The following SELENON variants were observed in gnomAD, a reference collection of about 807,000 sequenced individuals.
SELENON encodes selenoprotein N, 1.
SELENON carries 44 observed loss-of-function variants against 59.5 expected under a neutral mutation model. The observed-to-expected ratio is 0.74, with a 90% CI of 0.58 to 0.95. The LOEUF (loss-of-function observed/expected upper bound fraction) is 0.95, where lower values mean the gene tolerates loss of function less well. Among genes scored for constraint, SELENON ranks in the 40% least tolerant of loss-of-function variants. The pLI, the probability that SELENON is intolerant of heterozygous loss-of-function variation, is 0.00. For missense variants in SELENON, 674 were observed against 721.4 expected, an observed-to-expected ratio of 0.93 and a Z score of 0.75; for synonymous variants, 320 against 305.6, an observed-to-expected ratio of 1.05 and a Z score of -0.49.
chr1:25,813,379 A>C (rs1302199194), intron 10 of SELENON, among the ~76,000 whole-genome samples: 1 of 152,194 alleles, frequency 6.6e-6, no homozygotes, highest in Non-Finnish European at 1.5e-5. Context: ...CTGCCCTCAA[A>C]GGGGGAGACA....
intron 4 of SELENON, among the ~76,000 whole-genome samples, chr1:25,806,283 G>A (rs1331791235): frequency 6.6e-6 from 1 of 152,260 alleles, no homozygotes; most frequent in Non-Finnish European, 1.5e-5. Context: ...TTTGTTGCCT[G>A]CCTTTGGCCT....
intron 9 of SELENON, among the ~76,000 whole-genome samples, 199 bp from the exon 9 acceptor site, chr1:25,812,488 A>T (rs943374205): frequency 6.2e-4 from 86 of 139,182 alleles, no homozygotes; most frequent in African/African-American, 2.2e-3. Context: ...CACATATACA[A>T]ACATACACAA....
intron 6 of SELENON, 47 bp downstream of exon 5, chr1:25,809,197 G>A (rs191243575): frequency 7.3e-5 from 117 of 1,612,268 alleles, no homozygotes; most frequent in African/African-American, 4.8e-4. Flanking sequence ...GAGGCATGAC[G>A]GTACAGCGCC....
chr1:25,800,965 T>C, intron 1 of SELENON, 78 bp from the exon 2 acceptor site: 1 of 1,132,588 alleles, frequency 8.8e-7, no homozygotes, highest in Non-Finnish European at 1.3e-6. Context: ...AGGGGCTCCA[T>C]GCGGAAGCAA....
Position 25,808,039 on chromosome 1 carries a change from A to G in SELENON, c.538-541A>G, listed in dbSNP as rs2047922566. ...GATTTCACCTCAAACATGATTGGCC[A>G]CCACCCTCATCGGACTTAGCTCCAA... On this transcript the variant is annotated intron_variant, in intron 4 of 12. Transcript: ENST00000361547. Among the ~76,000 whole-genome samples, 3 of 152,178 alleles carry G rather than the reference A, an allele frequency of 2.0e-5. No homozygotes were observed. The South Asian group carries it at 6.2e-4, about 32-fold the overall frequency.
intron 3 of SELENON, among the ~76,000 whole-genome samples, chr1:25,803,804 TCTC>T (rs1164693451): frequency 3.3e-5 from 5 of 151,884 alleles, no homozygotes; most frequent in Admixed American, 1.3e-4. Context: ...TTCAAGCAAT[TCTC>T]CTGTCTCAGC....
rs368377980 is a variant in SELENON, at chr1:25,813,920, C to T, written c.1427C>T (p.Ser476Leu). 41 of 1,613,994 alleles carry T rather than the reference C, an allele frequency of 2.5e-5. No homozygotes were observed. The highest frequency in any genetic ancestry group is 1.6e-4 in the Middle Eastern group (1 of 6,084). ...CTCCGGGAGACTGTCCTGGAAAGTT[C>T]GCCCATCCTCACCCTGCTCAACGAG... is the stretch of plus-strand genomic sequence containing the variant. Residue 476 changes from serine to leucine, a missense_variant, in exon 11 of 13, where the codon TCG (serine) becomes TTG (leucine). Ser to Leu is a moderately radical substitution (Grantham distance 145). Coordinates refer to ENST00000361547, the MANE Select transcript of SELENON (RefSeq NM_020451.3).
chr1:25,815,083 C>T (rs555652306), intron 12 of SELENON, among the ~76,000 whole-genome samples: 71 of 152,156 alleles, frequency 4.7e-4, no homozygotes, highest in Non-Finnish European at 8.7e-4. Flanking sequence ...ATTTGTTCAT[C>T]TACTGGGCAC....
chr1:25,807,354 C>T lies in SELENON; in HGVS notation c.538-1226C>T, dbSNP rs2047916426. On this transcript the variant is annotated intron_variant, in intron 4 of 12. Coordinates refer to ENST00000361547, the MANE Select transcript of SELENON (RefSeq NM_020451.3). This position sits in a 1 kb window ranked among gnomAD's most constrained non-coding sequence, Gnocchi z 4.5. ...TTTGTGGAATGAACAAATGAATAAA[C>T]GTGTTCTTCTCAGCCAAGGAGACAG... Among the ~76,000 whole-genome samples the T allele has an allele frequency of 2.0e-5, 3 of 152,208 alleles. No individual in the cohort carries two copies. The highest frequency in any genetic ancestry group is 6.5e-5 in the Admixed American group (1 of 15,286).
At position 25,815,828 on chromosome 1, in the gene SELENON, C is replaced by A; in HGVS notation, c.*110C>A. 8.4e-7 allele frequency: 1 copy of A among 1,195,934 alleles called. No homozygotes were observed. Among genetic ancestry groups the A allele is most frequent in the Non-Finnish European group, 1.2e-6 (1 of 833,334 alleles). 74.1% of individuals were successfully genotyped at this position (1,195,934 alleles called of 1,614,324 possible). ...CCACTCCCACCCCACTCCTAGGCTG[C>A]CTTGGAGGGTACAAGATCCACTGAG... On this transcript the variant is annotated 3_prime_UTR_variant, in exon 13 of 13. Transcript: ENST00000361547.
chr1:25,813,018 T>C (rs376669280), intron 10 of SELENON, among the ~76,000 whole-genome samples: 10 of 152,282 alleles, frequency 6.6e-5, no homozygotes, highest in East Asian at 5.8e-4. Context: ...AACTCAGCCA[T>C]TGTCAGCTTG....
At position 25,807,603 on chromosome 1, in the gene SELENON, C is replaced by T. The variant is rs7528654; in HGVS notation, c.538-977C>T. ...GCACCCATCGCTGGCAGGTCCCCTG[C>T]AGGGGGTGGCAAGCCTACAAGCAGG... On this transcript the variant is annotated intron_variant, in intron 4 of 12. Coordinates refer to ENST00000361547, the MANE Select transcript of SELENON (RefSeq NM_020451.3). The surrounding 1 kb of genome is among the most constrained non-coding windows in gnomAD (Gnocchi z 4.5). Among the ~76,000 whole-genome samples, 1,147 of 152,308 alleles carry T rather than the reference C, an allele frequency of 7.5e-3. 18 individuals carry two copies. Among genetic ancestry groups the T allele is most frequent in the African/African-American group, 0.026 (1,097 of 41,572 alleles).
intron 5 of SELENON, 100 bp from the exon 5 acceptor site, chr1:25,808,926 A>AT (rs2047934050): frequency 6.3e-7 from 1 of 1,592,714 alleles, no homozygotes; most frequent in Non-Finnish European, 8.6e-7. Flanking sequence ...CCCCCTCCCC[A>AT]TGGGGCCCCT....
In SELENON at chr1:25,815,876, C is replaced by T. The variant is rs911797155; in HGVS notation, c.*158C>T. 7.0e-6 allele frequency: 5 copies of T among 712,066 alleles called. No homozygotes were observed. The highest frequency in any genetic ancestry group is 5.3e-5 in the African/African-American group (3 of 56,502). 44.1% of individuals were successfully genotyped at this position (712,066 alleles called of 1,614,324 possible). A position where few individuals can be genotyped will look rare whatever the true frequency, so the allele number is the denominator to read the frequency against. On this transcript the variant is annotated 3_prime_UTR_variant, in exon 13 of 13. Transcript: ENST00000361547. ...GAGGGTGGCCACCACAGCCTTGGCT[C>T]CATGGTGGCGGGTAGACAAGGGATG...
chr1:25,814,103 G>A lies in SELENON; in HGVS notation c.1527G>A (p.Gln509=), dbSNP rs781614816. 1 of 1,614,208 alleles carries A rather than the reference G, an allele frequency of 6.2e-7. No homozygotes were observed. Among genetic ancestry groups the A allele is most frequent in the Non-Finnish European group, 8.5e-7 (1 of 1,180,028 alleles). ...ACAACCAGGAGAACTCGTCCCACCA[G>A]AAGCTGGCTGGCCTGCACCTGGAGA... is the stretch of plus-strand genomic sequence containing the variant. Residue 509 remains glutamine, a synonymous_variant, in exon 12 of 13, where the codon CAG becomes CAA. Transcript: ENST00000361547.
At chr1:25,813,784 G>A in intron 10 of SELENON, 97 bp from the exon 10 acceptor site, 1 of 856,282 alleles carries the variant, frequency 1.2e-6, no homozygotes, top group South Asian at 1.3e-5. Flanking sequence ...TTTCACTTGG[G>A]TGCAGAGACT....
chr1:25,804,930 T>A (rs1191461570), intron 3 of SELENON, among the ~76,000 whole-genome samples: 1 of 152,168 alleles, frequency 6.6e-6, no homozygotes, highest in Non-Finnish European at 1.5e-5. Flanking sequence ...CTTTCTCATT[T>A]GTCAAATGGA....
chr1:25,810,965 G>C (rs541951627), intron 7 of SELENON, among the ~76,000 whole-genome samples: 1 of 152,336 alleles, frequency 6.6e-6, no homozygotes, highest in East Asian at 1.9e-4. Context: ...ACCTAGCTCT[G>C]CCCTCTGTGC....
chr1:25,808,574 C>T lies in SELENON; in HGVS notation c.538-6C>T, dbSNP rs758398902. On this transcript the variant is annotated splice_region_variant and splice_polypyrimidine_tract_variant and intron_variant, in intron 4 of 12. Coordinates refer to ENST00000361547, the MANE Select transcript of SELENON (RefSeq NM_020451.3). The stretch of plus-strand genomic sequence containing the variant: ...ATTCCTGGAGCTTTGCTTTCCCCCG[C>T]CCCAGGTCTCCCGCCTCGCCCTGTC... The T allele has an allele frequency of 1.9e-6, 3 of 1,613,340 alleles. No homozygotes were observed. The South Asian group carries it at 3.3e-5, about 18-fold the overall frequency.
Sources: allele counts gnomAD v4.1 joint callset (sites outside exome capture counted in the v4.1 genomes callset), GRCh38; gene constraint gnomAD v4.1.1; non-coding constraint Gnocchi (gnomAD v3.1); transcripts MANE v1.5; gene names NCBI Gene and HGNC (gene_info 2026-07-23, HGNC 2026-07-21).